Variants in RYR3 observed in about 807,000 individuals in gnomAD.
RYR3 encodes the protein ryanodine receptor 3, also known as brain ryanodine receptor-calcium release channel.
Under a neutral mutation model 584.3 loss-of-function variants are expected in RYR3, and 207 were observed. That is an observed-to-expected ratio of 0.35 (90% confidence interval 0.32 to 0.40). The LOEUF (loss-of-function observed/expected upper bound fraction) is 0.40, where lower values mean the gene tolerates loss of function less well. Among genes scored for constraint, RYR3 ranks in the 10% least tolerant of loss-of-function variants. The probability of loss-of-function intolerance (pLI) is 1.00; values close to 1 mark genes in which losing one functional copy is unlikely to be tolerated. For synonymous variants in RYR3, 2,416 were observed against 2,248.5 expected, an observed-to-expected ratio of 1.07 and a Z score of -2.11; for missense variants, 5,616 against 6,089.2, an observed-to-expected ratio of 0.92 and a Z score of 2.59.
At position 33,569,912 on chromosome 15, in the gene RYR3, GT is replaced by G. The variant is rs538827040; in HGVS notation, c.1268+3114del. ...ATCTTCTTTGGTAAAATGTAATTAA[GT>G]ATTTTGCCTTTTTAAGTTGGGTCAT... On this transcript the variant is annotated intron_variant, in intron 12 of 103. Transcript: ENST00000634891. Among the ~76,000 whole-genome samples the G allele has an allele frequency of 2.0e-3, 298 of 152,190 alleles. 1 individual carries two copies. The highest frequency in any genetic ancestry group is 6.8e-3 in the Middle Eastern group (2 of 294).
chr15:33,566,486 G>A (rs1258899470), intron 11 of RYR3, among the ~76,000 whole-genome samples, 192 bp from the exon 12 acceptor site: 1 of 152,156 alleles, frequency 6.6e-6, no homozygotes, highest in Non-Finnish European at 1.5e-5. Context: ...TGTGTCTAAG[G>A]AATGATTCAC....
chr15:33,597,756 T>A (rs2059445734), intron 16 of RYR3, among the ~76,000 whole-genome samples: 1 of 152,174 alleles, frequency 6.6e-6, no homozygotes, highest in Non-Finnish European at 1.5e-5. Flanking sequence ...GTATATAGTT[T>A]AAGAGCTTTT....
chr15:33,602,872 A>G (rs2059739153), intron 17 of RYR3, among the ~76,000 whole-genome samples: 1 of 150,906 alleles, frequency 6.6e-6, no homozygotes. Context: ...CACCCTCGCA[A>G]GTAGCTTGGA....
At chr15:33,574,565 G>T (rs680388) in intron 12 of RYR3, among the ~76,000 whole-genome samples, 122,250 of 152,078 alleles carry the variant, frequency 0.8, 49,530 homozygotes, top group Middle Eastern at 0.92. Flanking sequence ...CTGCCTATAA[G>T]AAGCTTACAG....
At chr15:33,767,711 T>A (rs1206967941) in intron 60 of RYR3, among the ~76,000 whole-genome samples, 1 of 152,192 alleles carries the variant, frequency 6.6e-6, no homozygotes, top group Non-Finnish European at 1.5e-5. Flanking sequence ...GGTGGCTTTT[T>A]TCTCTCTTCT....
At chr15:33,500,167 A>G (rs1386066722) in intron 2 of RYR3, among the ~76,000 whole-genome samples, 1 of 152,212 alleles carries the variant, frequency 6.6e-6, no homozygotes, top group Non-Finnish European at 1.5e-5. Context: ...GGTGAAACAG[A>G]CAAACCTCAA....
intron 1 of RYR3, among the ~76,000 whole-genome samples, chr15:33,463,028 C>G (rs1215570175): frequency 5.9e-5 from 9 of 151,910 alleles, no homozygotes. Context: ...AAAAATTAGC[C>G]AGGCGCACCT....
chr15:33,391,182 T>C (rs1298256099), intron 1 of RYR3, among the ~76,000 whole-genome samples: 1 of 152,210 alleles, frequency 6.6e-6, no homozygotes, highest in Non-Finnish European at 1.5e-5. Context: ...TTGGGAGTAA[T>C]TCTCAAATAC....
chr15:33,585,294 G>GA (rs1052975867), intron 15 of RYR3, among the ~76,000 whole-genome samples: 24 of 151,946 alleles, frequency 1.6e-4, no homozygotes, highest in Non-Finnish European at 2.4e-4. Flanking sequence ...AAAACATTGA[G>GA]AAAAAAACAG....
At chr15:33,317,457 G>A (rs964971461) in intron 1 of RYR3, among the ~76,000 whole-genome samples, 1 of 151,882 alleles carries the variant, frequency 6.6e-6, no homozygotes, top group Non-Finnish European at 1.5e-5. Context: ...TGTCCTCTCA[G>A]CCATCTTCTT....
rs1354601134 is a variant in RYR3 at position 33,810,472 on chromosome 15, C to T, written c.10027-7C>T. 2 of 1,613,874 alleles carry T rather than the reference C, an allele frequency of 1.2e-6. No homozygotes were observed. Among genetic ancestry groups the T allele is most frequent in the Non-Finnish European group, 1.7e-6 (2 of 1,179,792 alleles). On this transcript the variant is annotated splice_polypyrimidine_tract_variant and splice_region_variant and intron_variant, in intron 70 of 103. Coordinates refer to ENST00000634891, the MANE Select transcript of RYR3 (RefSeq NM_001036.6). The stretch of plus-strand genomic sequence containing the variant: ...CCCTCTCTGTTTATTTCAACATCAT[C>T]TCCTAGTCTGGAGGACAAGACCAGG...
At chr15:33,652,023 T>C (rs1422536026) in intron 31 of RYR3, among the ~76,000 whole-genome samples, 1 of 152,190 alleles carries the variant, frequency 6.6e-6, no homozygotes, top group East Asian at 1.9e-4. Context: ...TTTTTCATTA[T>C]TATAGTTTGC....
chr15:33,596,152 C>T (rs563186625), intron 16 of RYR3, among the ~76,000 whole-genome samples: 1 of 150,972 alleles, frequency 6.6e-6, no homozygotes. Context: ...TTGTTGTATA[C>T]ATAACCTTTA....
At chr15:33,615,236 A>G (rs2060392015) in intron 19 of RYR3, among the ~76,000 whole-genome samples, 1 of 152,172 alleles carries the variant, frequency 6.6e-6, no homozygotes, top group Non-Finnish European at 1.5e-5. Flanking sequence ...GCAGGAGCTG[A>G]GATCTGGGAT....
chr15:33,375,240 T>C (rs1267291975), intron 1 of RYR3, among the ~76,000 whole-genome samples: 1 of 148,990 alleles, frequency 6.7e-6, no homozygotes, highest in South Asian at 2.2e-4. Flanking sequence ...TACAAAGCGC[T>C]TAGGACACTG....
At chr15:33,859,482 C>T in intron 99 of RYR3, 93 bp from the exon 100 acceptor site, 1 of 1,459,666 alleles carries the variant, frequency 6.9e-7, no homozygotes, top group Non-Finnish European at 9.5e-7. Context: ...TTAGGGCTGC[C>T]ACAATCTGAC....
chr15:33,489,327 A>G (rs2050768137), intron 2 of RYR3, among the ~76,000 whole-genome samples: 1 of 152,162 alleles, frequency 6.6e-6, no homozygotes, highest in Non-Finnish European at 1.5e-5. Flanking sequence ...CCCAGTGCCC[A>G]GTAGTTATTT....
chr15:33,479,330 A>G (rs982357384), intron 2 of RYR3, among the ~76,000 whole-genome samples: 3 of 152,000 alleles, frequency 2.0e-5, no homozygotes, highest in Non-Finnish European at 4.4e-5. Flanking sequence ...ACTCATCCTA[A>G]GGTTGTACAG....
chr15:33,796,042 G>A (rs2075594588), intron 67 of RYR3, among the ~76,000 whole-genome samples: 1 of 152,184 alleles, frequency 6.6e-6, no homozygotes, highest in Non-Finnish European at 1.5e-5. Flanking sequence ...GCTGAAAAAA[G>A]CTCTTACCTC....
Sources: gnomAD v4.1 joint callset for allele counts (sites outside exome capture counted in the v4.1 genomes callset) on GRCh38, gnomAD v4.1.1 for gene constraint, MANE v1.5 for transcripts, NCBI Gene and HGNC (gene_info 2026-07-23, HGNC 2026-07-21) for gene names.